COL4A6: variants seen among roughly 807,000 people sequenced by gnomAD.
COL4A6 encodes collagen alpha-6(IV) chain.
A neutral mutation model predicts 126.7 loss-of-function variants in COL4A6; 59 were observed. That is an observed-to-expected ratio of 0.47 (90% confidence interval 0.38 to 0.58). The LOEUF (loss-of-function observed/expected upper bound fraction) is 0.58, where lower values mean the gene tolerates loss of function less well. Among genes scored for constraint, COL4A6 ranks in the 20% least tolerant of loss-of-function variants. COL4A6 has a pLI of 0.00. For missense variants in COL4A6, 1,285 were observed against 1,337.3 expected (o/e 0.96, Z 0.61); for synonymous variants, 547 against 496.6 (o/e 1.10, Z -1.35).
intron 2 of COL4A6, among the ~76,000 whole-genome samples, chrX:108,361,614 G>A (rs1231814312): frequency 9.0e-6 from 1 of 111,578 alleles, no homozygotes; most frequent in African/African-American, 3.3e-5. Context: ...AAAGGAAGCT[G>A]AATGGAACTT....
intron 2 of COL4A6, among the ~76,000 whole-genome samples, chrX:108,388,735 A>G (rs939536085): frequency 6.4e-5 from 7 of 110,055 alleles, no homozygotes; most frequent in Non-Finnish European, 9.5e-5. Context: ...CTCTAATCTT[A>G]GTTATTTCTT....
At chrX:108,203,053 T>G (rs1461274456) in intron 12 of COL4A6, 72 bp from the exon 13 acceptor site, 2 of 898,659 alleles carry the variant, frequency 2.2e-6, no homozygotes, top group African/African-American at 2.0e-5. Flanking sequence ...GCTCTCCACA[T>G]GTACTTGGAC....
chrX:108,388,684 T>G (rs2040759606), intron 2 of COL4A6, among the ~76,000 whole-genome samples: 1 of 111,707 alleles, frequency 9.0e-6, no homozygotes, highest in South Asian at 3.8e-4. Context: ...ATTCATTGAT[T>G]TTTTGAAGGG....
chrX:108,208,132 A>G (rs2035604200), intron 8 of COL4A6, among the ~76,000 whole-genome samples: 2 of 112,352 alleles, frequency 1.8e-5, no homozygotes, highest in South Asian at 7.4e-4. Context: ...AAGACATAAC[A>G]ATCTTAGATG....
chrX:108,394,443 AG>A (rs1306590684), intron 2 of COL4A6, among the ~76,000 whole-genome samples: 1 of 111,603 alleles, frequency 9.0e-6, no homozygotes, highest in East Asian at 2.8e-4. Flanking sequence ...AAAAAGAAAA[AG>A]AAAAAAAAAG....
chrX:108,421,863 T>C (rs2063986703), intron 2 of COL4A6, among the ~76,000 whole-genome samples: 2 of 112,208 alleles, frequency 1.8e-5, no homozygotes, highest in Admixed American at 1.9e-4. Flanking sequence ...AGTGTTTTAC[T>C]TCTTAAGCTG....
rs776320833 is a variant in COL4A6 at position 108,281,866 on chromosome X, A to C, written c.144+28882T>G. ...GCATGTCTACAACTATCTGATCTTT[A>C]ACAAACCTGAGAAAAAGAAGCAATG... On this transcript the variant is annotated intron_variant, in intron 3 of 44. Transcript: ENST00000334504. Among the ~76,000 whole-genome samples the C allele has an allele frequency of 1.9e-3, 209 of 111,146 alleles. 3 individuals are homozygous for C. Among genetic ancestry groups the C allele is most frequent in the Non-Finnish European group, 2.0e-3 (108 of 52,922 alleles).
intron 2 of COL4A6, among the ~76,000 whole-genome samples, chrX:108,377,271 C>T (rs779820636): frequency 1.8e-5 from 2 of 112,350 alleles, no homozygotes; most frequent in African/African-American, 3.2e-5. Context: ...GCGGTTTTCC[C>T]CTATCTCAGT....
intron 2 of COL4A6, among the ~76,000 whole-genome samples, chrX:108,427,553 T>C (rs2098108760): frequency 9.0e-6 from 1 of 111,645 alleles, no homozygotes; most frequent in Non-Finnish European, 1.9e-5. Context: ...ATCACAAGTA[T>C]AACTGTGACC....
At chrX:108,170,498 G>T in intron 35 of COL4A6, 111 bp downstream of exon 35, 1 of 612,256 alleles carries the variant, frequency 1.6e-6, no homozygotes, top group South Asian at 2.5e-5. Context: ...CATGTCCAAT[G>T]ACTCCTGTAG....
intron 2 of COL4A6, among the ~76,000 whole-genome samples, chrX:108,415,690 G>A (rs1303913855): frequency 8.9e-6 from 1 of 112,241 alleles, no homozygotes; most frequent in Non-Finnish European, 1.9e-5. Flanking sequence ...CACTCTGGAA[G>A]AATGATCAAC....
At position 108,156,884 on chromosome X, in the gene COL4A6, A is replaced by G. The variant is rs985953428; in HGVS notation, c.*116T>C. ...GTAGTCTAGCCCAAATGAGACTCCAATGTACAACTTGACAGGCAAAGGGGC... is the reference window on the plus strand; with the variant it reads ...GTAGTCTAGCCCAAATGAGACTCCAGTGTACAACTTGACAGGCAAAGGGGC... On this transcript the variant is annotated 3_prime_UTR_variant, in exon 45 of 45. Transcript: ENST00000334504. 3.2e-4 allele frequency: 249 copies of G among 777,502 alleles called. No homozygotes were observed. The highest frequency in any genetic ancestry group is 4.4e-4 in the Non-Finnish European group (232 of 527,130). The allele number at this position is 777,502 out of a possible 1,213,427, so 64.1% of individuals were successfully genotyped here. A position where few individuals can be genotyped will look rare whatever the true frequency, so the allele number is the denominator to read the frequency against.
chrX:108,273,701 A>G (rs867783233), intron 3 of COL4A6, among the ~76,000 whole-genome samples: 1 of 112,049 alleles, frequency 8.9e-6, no homozygotes, highest in Middle Eastern at 4.6e-3. Flanking sequence ...TGAAGCTGGT[A>G]TCTGTATTTT....
chrX:108,366,860 G>C (rs919360485), intron 2 of COL4A6, among the ~76,000 whole-genome samples: 2 of 111,807 alleles, frequency 1.8e-5, no homozygotes, highest in Non-Finnish European at 3.8e-5. Context: ...AGATCTGCAG[G>C]GCTATGGGAC....
chrX:108,254,771 G>C (rs183767227), intron 3 of COL4A6, among the ~76,000 whole-genome samples: 1 of 110,449 alleles, frequency 9.1e-6, no homozygotes, highest in Non-Finnish European at 1.9e-5. Context: ...ATACCTACTT[G>C]TATTAGTTTT....
At chrX:108,380,312 A>G (rs2040534876) in intron 2 of COL4A6, among the ~76,000 whole-genome samples, 1 of 112,519 alleles carries the variant, frequency 8.9e-6, no homozygotes, top group African/African-American at 3.2e-5. Context: ...AAATAGCTGA[A>G]TTGCCATTTA....
intron 2 of COL4A6, among the ~76,000 whole-genome samples, chrX:108,320,756 G>A (rs759177556): frequency 4.7e-4 from 52 of 111,737 alleles, no homozygotes; most frequent in Non-Finnish European, 8.8e-4. Flanking sequence ...GCTCATTCCT[G>A]GTTTCATACA....
intron 3 of COL4A6, among the ~76,000 whole-genome samples, chrX:108,249,194 T>C (rs767994844): frequency 1.2e-3 from 132 of 111,372 alleles, no homozygotes; most frequent in Non-Finnish European, 2.4e-3. Context: ...TTGTCTTCCA[T>C]GAAACCAGTC....
intron 24 of COL4A6, 43 bp downstream of exon 24, chrX:108,180,854 C>A (rs935178097): frequency 8.7e-7 from 1 of 1,149,218 alleles, no homozygotes; most frequent in East Asian, 3.0e-5. Context: ...CCTTATGGCC[C>A]TTACAAGAGT....
Sources: gnomAD v4.1 joint callset for allele counts (sites outside exome capture counted in the v4.1 genomes callset) on GRCh38, gnomAD v4.1.1 for gene constraint, MANE v1.5 for transcripts, NCBI Gene and HGNC (gene_info 2026-07-23, HGNC 2026-07-21) for gene names.